HLCS: variants seen among roughly 807,000 people sequenced by gnomAD.
HLCS encodes the protein holocarboxylase synthetase.
A neutral mutation model predicts 75.0 loss-of-function variants in HLCS; 53 were observed. The ratio of observed to expected loss-of-function variants is 0.71; its 90% CI spans 0.57 to 0.89. The LOEUF is 0.89. HLCS is among the 40% of genes least tolerant of loss of function. The pLI, the probability that HLCS is intolerant of heterozygous loss-of-function variation, is 0.00. For synonymous variants in HLCS, 431 were observed against 428.6 expected, an observed-to-expected ratio of 1.01 and a Z score of -0.07; for missense variants, 966 against 1,074.0, an observed-to-expected ratio of 0.90 and a Z score of 1.41.
chr21:36,833,592 A>ATT (rs2062294045), intron 6 of HLCS, among the ~76,000 whole-genome samples: 1 of 70,442 alleles, frequency 1.4e-5, no homozygotes, highest in Non-Finnish European at 3.2e-5. Context: ...CTAAAAAAAA[A>ATT]TTATATATAT....
chr21:36,930,735 C>T (rs1044036508), intron 4 of HLCS, among the ~76,000 whole-genome samples: 3 of 152,124 alleles, frequency 2.0e-5, no homozygotes, highest in Non-Finnish European at 4.4e-5. Flanking sequence ...TTAAGGGACA[C>T]AGTATAACCC....
intron 6 of HLCS, among the ~76,000 whole-genome samples, chr21:36,819,837 G>A (rs903254471): frequency 1.3e-5 from 2 of 152,084 alleles, no homozygotes; most frequent in Admixed American, 6.5e-5. Context: ...ATAATACCAT[G>A]TATCTAAAAG....
chr21:36,804,425 A>G (rs1473100672), intron 6 of HLCS, among the ~76,000 whole-genome samples: 1 of 152,156 alleles, frequency 6.6e-6, no homozygotes, highest in African/African-American at 2.4e-5. Flanking sequence ...GTTCCTCCAT[A>G]TACCATCAGA....
intron 6 of HLCS, among the ~76,000 whole-genome samples, chr21:36,767,686 C>T (rs1052500321): frequency 6.6e-6 from 1 of 152,028 alleles, no homozygotes; most frequent in Admixed American, 6.6e-5. Context: ...TTTGTTCCTA[C>T]TTAGGGTGCA....
chr21:36,973,044 C>T (rs1007497820), intron 1 of HLCS, among the ~76,000 whole-genome samples: 2 of 144,954 alleles, frequency 1.4e-5, no homozygotes, highest in Non-Finnish European at 3.0e-5. Flanking sequence ...AGGGAAACCC[C>T]ATCTCTATGA....
At chr21:36,958,241 A>AT in intron 2 of HLCS, among the ~76,000 whole-genome samples, 1 of 143,306 alleles carries the variant, frequency 7.0e-6, no homozygotes, top group Non-Finnish European at 1.5e-5. Flanking sequence ...AGACTGTCTC[A>AT]AAAAAAAAAA....
At chr21:36,810,724 A>C (rs2061487811) in intron 6 of HLCS, among the ~76,000 whole-genome samples, 1 of 152,218 alleles carries the variant, frequency 6.6e-6, no homozygotes, top group Admixed American at 6.5e-5. Flanking sequence ...TTTGTATCTA[A>C]ATACCATTCC....
chr21:36,764,612 T>C (rs930653686), intron 8 of HLCS, among the ~76,000 whole-genome samples: 1 of 148,404 alleles, frequency 6.7e-6, no homozygotes, highest in Non-Finnish European at 1.5e-5. Context: ...GGCTGAGGTG[T>C]GAGGATTGCT....
At chr21:36,773,198 G>A (rs1379989855) in intron 6 of HLCS, among the ~76,000 whole-genome samples, 1 of 152,176 alleles carries the variant, frequency 6.6e-6, no homozygotes, top group Non-Finnish European at 1.5e-5. Context: ...ACCTATCAGT[G>A]GATTAAGCTT....
intron 6 of HLCS, among the ~76,000 whole-genome samples, chr21:36,856,693 A>G (rs2063206685): frequency 2.0e-5 from 3 of 152,196 alleles, no homozygotes; most frequent in Admixed American, 2.0e-4. Context: ...GAAGGAAAAA[A>G]AAATGAATGT....
chr21:36,989,940 G>A (rs1170498362), intron 1 of HLCS, among the ~76,000 whole-genome samples: 3 of 152,026 alleles, frequency 2.0e-5, no homozygotes, highest in African/African-American at 7.2e-5. Flanking sequence ...CGCTGCCCTG[G>A]GCCGCGAGGT....
chr21:36,838,298 T>TCACACACACA (rs148428941), intron 6 of HLCS, among the ~76,000 whole-genome samples: 2,606 of 127,300 alleles, frequency 0.02, 54 homozygotes, highest in South Asian at 0.043. Context: ...GGGTGAATGA[T>TCACACACACA]CACACACACA....
At chr21:36,957,167 G>C (rs891901270) in intron 2 of HLCS, among the ~76,000 whole-genome samples, 1 of 152,156 alleles carries the variant, frequency 6.6e-6, no homozygotes, top group African/African-American at 2.4e-5. Context: ...GGGCCTGTGG[G>C]GGAAGTGTTT....
At chr21:36,889,761 C>T (rs545424399) in intron 6 of HLCS, among the ~76,000 whole-genome samples, 6 of 152,294 alleles carry the variant, frequency 3.9e-5, no homozygotes, top group Non-Finnish European at 7.4e-5. Flanking sequence ...GACCCATGTC[C>T]CTGGGACTCT....
At chr21:36,924,141 C>G (rs142506069) in intron 5 of HLCS, among the ~76,000 whole-genome samples, 476 of 152,274 alleles carry the variant, frequency 3.1e-3, no homozygotes, top group Non-Finnish European at 5.0e-3. Flanking sequence ...TTCGCCCTAT[C>G]TATACATTCG....
At chr21:36,904,606 C>T (rs2065373513) in intron 5 of HLCS, among the ~76,000 whole-genome samples, 1 of 152,080 alleles carries the variant, frequency 6.6e-6, no homozygotes, top group Non-Finnish European at 1.5e-5. Flanking sequence ...TTTTAAGTAC[C>T]ATAGGAAGCA....
At chr21:36,801,782 C>CTT (rs113671511) in intron 6 of HLCS, among the ~76,000 whole-genome samples, 13 of 145,664 alleles carry the variant, frequency 8.9e-5, no homozygotes, top group African/African-American at 2.8e-4. Context: ...GATTTCCTTT[C>CTT]TTTTTTTTTT....
intron 5 of HLCS, among the ~76,000 whole-genome samples, chr21:36,899,128 T>C (rs1569164449): frequency 6.6e-6 from 1 of 152,144 alleles, no homozygotes; most frequent in Non-Finnish European, 1.5e-5. Flanking sequence ...ATATACGTCA[T>C]GAAATCTGTA....
chr21:36,769,129 A>G (rs190735610), intron 6 of HLCS, among the ~76,000 whole-genome samples: 133 of 152,348 alleles, frequency 8.7e-4, no homozygotes, highest in Admixed American at 3.3e-3. Context: ...GACTTCTAGA[A>G]CAAAGAGAAA....
Sources: allele counts gnomAD v4.1 joint callset (sites outside exome capture counted in the v4.1 genomes callset), GRCh38; gene constraint gnomAD v4.1.1; transcripts MANE v1.5; gene names NCBI Gene and HGNC (gene_info 2026-07-23, HGNC 2026-07-21).